Variants in SERGEF observed in about 807,000 individuals in gnomAD.
SERGEF encodes secretion regulating guanine nucleotide exchange factor, also known as secretion-regulating guanine nucleotide exchange factor.
SERGEF carries 51 observed loss-of-function variants against 50.0 expected under a neutral mutation model. That is an observed-to-expected ratio of 1.02 (90% CI 0.81 to 1.29). The LOEUF is 1.29. Among genes scored for constraint, SERGEF ranks in the 50% most tolerant of loss-of-function variants. The pLI is 0.00. For synonymous variants in SERGEF, 205 were observed against 212.4 expected, an observed-to-expected ratio of 0.97 and a Z score of 0.30; for missense variants, 521 against 557.0, an observed-to-expected ratio of 0.94 and a Z score of 0.65.
intron 5 of SERGEF, among the ~76,000 whole-genome samples, chr11:17,997,673 T>C (rs906067677): frequency 6.6e-6 from 1 of 152,202 alleles, no homozygotes; most frequent in East Asian, 1.9e-4. Flanking sequence ...GATATATCCA[T>C]ACAATGGATA....
chr11:17,956,360 G>A (rs1219117708), intron 9 of SERGEF, among the ~76,000 whole-genome samples: 1 of 152,188 alleles, frequency 6.6e-6, no homozygotes, highest in African/African-American at 2.4e-5. Flanking sequence ...AGCACTTCAA[G>A]TTCAAGACCC....
Position 17,959,599 on chromosome 11 carries a change from A to G in SERGEF, c.882T>C (p.Tyr294=). The G allele has an allele frequency of 1.9e-6, 3 of 1,613,734 alleles. No individual in the cohort carries two copies. Among genetic ancestry groups the G allele is most frequent in the South Asian group, 1.1e-5 (1 of 90,992 alleles). Residue 294 remains tyrosine, a synonymous_variant, in exon 9 of 11, where the codon TAT becomes TAC. Transcript: ENST00000265965. ...TCTCCAACTTCCTCCCTAGCTGACC[A>G]TAGTCTGCTCGGCCCCAGGTAAACA... The part of the protein sequence containing the change: ...GKMFTWGRAD[Y]GQLGRKLETY...
At chr11:17,887,273 AG>A (rs1851447722) in intron 9 of SERGEF, among the ~76,000 whole-genome samples, 1 of 152,226 alleles carries the variant, frequency 6.6e-6, no homozygotes, top group Non-Finnish European at 1.5e-5. Flanking sequence ...CTTATGCTAA[AG>A]TACAATACAG....
At chr11:17,810,078 T>C (rs1849839865) in intron 10 of SERGEF, among the ~76,000 whole-genome samples, 1 of 152,144 alleles carries the variant, frequency 6.6e-6, no homozygotes, top group Non-Finnish European at 1.5e-5. Flanking sequence ...GGTGGAGGTC[T>C]TCTGTCATGA....
intron 10 of SERGEF, among the ~76,000 whole-genome samples, chr11:17,845,851 G>C (rs1423707438): frequency 4.6e-5 from 7 of 152,198 alleles, no homozygotes; most frequent in African/African-American, 1.7e-4. Flanking sequence ...GGAATTGGGT[G>C]CTTAGAAATT....
At chr11:17,897,176 G>C (rs1274227087) in intron 9 of SERGEF, among the ~76,000 whole-genome samples, 2 of 152,200 alleles carry the variant, frequency 1.3e-5, no homozygotes, top group East Asian at 3.8e-4. Context: ...AAGAACTGGA[G>C]AGCAGCATCT....
chr11:17,881,792 T>C (rs1411155467), intron 9 of SERGEF, among the ~76,000 whole-genome samples: 2 of 152,144 alleles, frequency 1.3e-5, no homozygotes, highest in African/African-American at 4.8e-5. Context: ...ATGAGACAAT[T>C]TATCCCCTTA....
intron 10 of SERGEF, among the ~76,000 whole-genome samples, chr11:17,857,826 T>C (rs1203559789): frequency 1.3e-5 from 2 of 152,210 alleles, no homozygotes; most frequent in Non-Finnish European, 2.9e-5. Flanking sequence ...GAACTTCCAT[T>C]AATCGGGATA....
intron 8 of SERGEF, among the ~76,000 whole-genome samples, chr11:17,965,148 T>C (rs150218391): frequency 0.018 from 2,677 of 152,248 alleles, 69 homozygotes; most frequent in African/African-American, 0.062. Context: ...TGGGAGGTAA[T>C]TGAATCATGG....
chr11:17,993,130 C>A, intron 6 of SERGEF, 137 bp from the exon 7 acceptor site: 1 of 641,402 alleles, frequency 1.6e-6, no homozygotes, highest in Admixed American at 2.7e-5. Flanking sequence ...CAGCACTGGC[C>A]AAGAAGATGG....
intron 10 of SERGEF, among the ~76,000 whole-genome samples, chr11:17,793,299 A>C (rs1378017107): frequency 6.6e-6 from 1 of 152,242 alleles, no homozygotes; most frequent in Non-Finnish European, 1.5e-5. Context: ...AAACACTTTA[A>C]ACAAGCCTAT....
At chr11:17,981,967 A>AT (rs1160866512) in intron 8 of SERGEF, among the ~76,000 whole-genome samples, 1 of 151,506 alleles carries the variant, frequency 6.6e-6, no homozygotes, top group Non-Finnish European at 1.5e-5. Context: ...CACCCAGATA[A>AT]TTTTTTTTAT....
At chr11:17,818,785 T>A (rs1330428389) in intron 10 of SERGEF, among the ~76,000 whole-genome samples, 4 of 152,222 alleles carry the variant, frequency 2.6e-5, no homozygotes, top group Non-Finnish European at 5.9e-5. Context: ...CTCTATAGCA[T>A]GGCATTCAAG....
intron 10 of SERGEF, among the ~76,000 whole-genome samples, chr11:17,841,164 A>T (rs1042099249): frequency 2.0e-5 from 3 of 152,138 alleles, no homozygotes; most frequent in Non-Finnish European, 4.4e-5. Context: ...GAGAGGCTGG[A>T]TCTGGGTCAC....
chr11:17,966,781 G>T (rs984620463), intron 8 of SERGEF, among the ~76,000 whole-genome samples: 1 of 152,022 alleles, frequency 6.6e-6, no homozygotes, highest in Non-Finnish European at 1.5e-5. Context: ...CCAAATACAG[G>T]CTGCCTAACT....
intron 9 of SERGEF, among the ~76,000 whole-genome samples, chr11:17,917,470 T>C (rs1237681133): frequency 1.3e-5 from 2 of 152,174 alleles, no homozygotes; most frequent in Non-Finnish European, 2.9e-5. Context: ...GTTTAATGTA[T>C]ACTGCTTGGG....
At chr11:17,997,140 T>C (rs759610598) in intron 5 of SERGEF, among the ~76,000 whole-genome samples, 8 of 152,076 alleles carry the variant, frequency 5.3e-5, no homozygotes, top group Non-Finnish European at 8.8e-5. Context: ...GAGGCTGCAG[T>C]GAGCCAAGAT....
intron 3 of SERGEF, among the ~76,000 whole-genome samples, chr11:18,004,833 G>A (rs908004950): frequency 2.0e-5 from 3 of 152,170 alleles, no homozygotes; most frequent in Non-Finnish European, 4.4e-5. Flanking sequence ...ATGTTTCCAT[G>A]TGACAAAATT....
chr11:17,947,089 A>G lies in SERGEF; in HGVS notation c.1011+12381T>C, dbSNP rs149813769. 3.9e-4 allele frequency among the ~76,000 whole-genome samples: 60 copies of G among 152,352 alleles called. No individual in the cohort carries two copies. The East Asian group carries it at 9.3e-3, about 24-fold the overall frequency. ...TGGGATAATCAGATGTTACAATACA[A>G]TCAAATACTAATAGGTGATTCAAAC... On this transcript the variant is annotated intron_variant, in intron 9 of 10. Coordinates refer to ENST00000265965, the MANE Select transcript of SERGEF (RefSeq NM_012139.4).
Sources: allele counts gnomAD v4.1 joint callset (sites outside exome capture counted in the v4.1 genomes callset), GRCh38; gene constraint gnomAD v4.1.1; transcripts MANE v1.5; gene names NCBI Gene and HGNC (gene_info 2026-07-23, HGNC 2026-07-21).